SESN1: variants seen among roughly 807,000 people sequenced by gnomAD.
SESN1 encodes the protein sestrin 1.
A neutral mutation model predicts 59.3 loss-of-function variants in SESN1; 30 were observed. The ratio of observed to expected loss-of-function variants is 0.51; its 90% CI spans 0.38 to 0.69. The LOEUF is 0.69. Among genes scored for constraint, SESN1 ranks in the 30% least tolerant of loss-of-function variants. The probability of loss-of-function intolerance (pLI) is 0.00; values close to 1 mark genes in which losing one functional copy is unlikely to be tolerated. For missense variants in SESN1, 566 were observed against 673.0 expected (o/e 0.84, Z 1.76); for synonymous variants, 197 against 219.9 (o/e 0.90, Z 0.92).
intron 1 of SESN1, among the ~76,000 whole-genome samples, chr6:109,018,381 G>A (rs1470462332): frequency 1.3e-5 from 2 of 152,220 alleles, no homozygotes; most frequent in African/African-American, 4.8e-5. Context: ...ATTAGGAGGG[G>A]TATAGTTTAT....
At chr6:109,017,049 G>C (rs1779937834) in intron 1 of SESN1, among the ~76,000 whole-genome samples, 1 of 151,960 alleles carries the variant, frequency 6.6e-6, no homozygotes, top group African/African-American at 2.4e-5. Flanking sequence ...TATGCTTTCA[G>C]TTATAGACCA....
chr6:109,029,317 C>G (rs1450851261), intron 1 of SESN1, among the ~76,000 whole-genome samples: 2 of 152,078 alleles, frequency 1.3e-5, no homozygotes, highest in Non-Finnish European at 2.9e-5. Flanking sequence ...GTAATTGAAC[C>G]AAAAAGTTGG....
Position 108,985,143 on chromosome 6 carries a change from T to C in SESN1, c.*2401A>G, listed in dbSNP as rs551796405. Among the ~76,000 whole-genome samples, 1 of 152,128 alleles carries C rather than the reference T, an allele frequency of 6.6e-6. No individual in the cohort carries two copies. The highest frequency in any genetic ancestry group is 2.1e-4 in the South Asian group (1 of 4,834). The stretch of plus-strand genomic sequence containing the variant: ...CACATATATGAATATGCTAATAAAA[T>C]TTCAGAGTATATTGATAAAAAGTGC... On this transcript the variant is annotated 3_prime_UTR_variant, in exon 10 of 10. Transcript: ENST00000436639.
At chr6:109,092,134 C>G (rs776048669) in intron 1 of SESN1, among the ~76,000 whole-genome samples, 6 of 152,202 alleles carry the variant, frequency 3.9e-5, no homozygotes, top group Non-Finnish European at 8.8e-5. Flanking sequence ...ATGAAAGAGT[C>G]TTGAAATATA....
At chr6:109,044,311 C>CAAAAAAAA (rs71015570) in intron 1 of SESN1, among the ~76,000 whole-genome samples, 11 of 28,460 alleles carry the variant, frequency 3.9e-4, no homozygotes, top group Non-Finnish European at 4.9e-4. Context: ...GAACTTGCCT[C>CAAAAAAAA]AAAAAAAAAA....
chr6:109,002,229 T>C, intron 2 of SESN1, 49 bp downstream of exon 2: 1 of 1,524,944 alleles, frequency 6.6e-7, no homozygotes, highest in Non-Finnish European at 9.1e-7. Context: ...TCATGAAAGC[T>C]CTTCCTTAAA....
At chr6:108,987,704 A>C in intron 9 of SESN1, 74 bp from the exon 10 acceptor site, 2 of 789,146 alleles carry the variant, frequency 2.5e-6, no homozygotes. Context: ...GAATCTAATG[A>C]ACACATAAAA....
At chr6:109,033,572 G>A (rs1405791989) in intron 1 of SESN1, among the ~76,000 whole-genome samples, 1 of 152,080 alleles carries the variant, frequency 6.6e-6, no homozygotes, top group Non-Finnish European at 1.5e-5. Flanking sequence ...CAATTAATTA[G>A]AATGAATCTG....
intron 1 of SESN1, among the ~76,000 whole-genome samples, chr6:109,033,813 A>G (rs1021386280): frequency 4.6e-5 from 7 of 152,236 alleles, no homozygotes; most frequent in East Asian, 3.8e-4. Context: ...TAAATTAAGA[A>G]CAAGCTTTTA....
intron 1 of SESN1, among the ~76,000 whole-genome samples, chr6:109,021,103 C>G (rs1426368418): frequency 6.6e-6 from 1 of 152,058 alleles, no homozygotes; most frequent in Non-Finnish European, 1.5e-5. Flanking sequence ...AAGTGGTTCT[C>G]CCACCTCAGC....
In SESN1 at chr6:109,085,041, T is replaced by A. The variant is rs571886137; in HGVS notation, c.279+8754A>T. 1.5e-3 allele frequency among the ~76,000 whole-genome samples: 226 copies of A among 148,096 alleles called. 4 individuals carry two copies. The highest frequency in any genetic ancestry group is 2.4e-3 in the Admixed American group (36 of 15,078). ...AAACGCACTTTTAAAAAAACAAGCA[T>A]CTTTTAAAGTTTTTTTTTCTTTTAT... On this transcript the variant is annotated intron_variant, in intron 1 of 9. Transcript: ENST00000436639.
intron 1 of SESN1, among the ~76,000 whole-genome samples, chr6:109,022,493 G>A (rs760343407): frequency 4.2e-4 from 57 of 135,552 alleles, no homozygotes; most frequent in Non-Finnish European, 6.2e-4. Flanking sequence ...CGCGATCTCG[G>A]CTCATTGCAA....
intron 1 of SESN1, among the ~76,000 whole-genome samples, chr6:109,038,026 G>A (rs1412250259): frequency 6.6e-6 from 1 of 152,176 alleles, no homozygotes; most frequent in Non-Finnish European, 1.5e-5. Context: ...TCAAAATCAT[G>A]TCTATATGAG....
intron 1 of SESN1, among the ~76,000 whole-genome samples, chr6:109,019,899 G>A (rs950009988): frequency 5.9e-5 from 9 of 152,030 alleles, no homozygotes; most frequent in Non-Finnish European, 1.3e-4. Context: ...TCATAAATAC[G>A]CATTAAAATG....
At chr6:109,014,993 T>C (rs1483750943) in intron 1 of SESN1, among the ~76,000 whole-genome samples, 1 of 152,194 alleles carries the variant, frequency 6.6e-6, no homozygotes, top group Non-Finnish European at 1.5e-5. Flanking sequence ...CTGCTATATT[T>C]CCAATGTCCT....
intron 4 of SESN1, 63 bp downstream of exon 4, chr6:109,000,428 A>C (rs1009634348): frequency 2.4e-6 from 3 of 1,269,584 alleles, no homozygotes; most frequent in African/African-American, 1.5e-5. Context: ...ATTTTTCTGT[A>C]ATCCTAAAAC....
At chr6:109,018,061 A>G (rs1779954793) in intron 1 of SESN1, among the ~76,000 whole-genome samples, 1 of 152,202 alleles carries the variant, frequency 6.6e-6, no homozygotes, top group Non-Finnish European at 1.5e-5. Context: ...GATTTTATCC[A>G]GAGTTCTATG....
At chr6:109,035,419 T>C (rs777508747) in intron 1 of SESN1, among the ~76,000 whole-genome samples, 10 of 152,026 alleles carry the variant, frequency 6.6e-5, no homozygotes, top group Non-Finnish European at 4.4e-5. Flanking sequence ...AGTAAAAGAC[T>C]GAGTATAAAA....
intron 1 of SESN1, among the ~76,000 whole-genome samples, chr6:109,092,784 G>A (rs1486072234): frequency 6.6e-6 from 1 of 152,170 alleles, no homozygotes; most frequent in African/African-American, 2.4e-5. Context: ...ACTCTGAATT[G>A]TAACAATTGT....
Sources: allele counts gnomAD v4.1 joint callset (sites outside exome capture counted in the v4.1 genomes callset), GRCh38; gene constraint gnomAD v4.1.1; transcripts MANE v1.5; gene names NCBI Gene and HGNC (gene_info 2026-07-23, HGNC 2026-07-21).